The following MYO5B variants were observed in gnomAD, a reference collection of about 807,000 sequenced individuals.
MYO5B encodes the protein myosin VB.
A neutral mutation model predicts 229.3 loss-of-function variants in MYO5B; 143 were observed. The ratio of observed to expected loss-of-function variants is 0.62; its 90% CI spans 0.54 to 0.72. The LOEUF is 0.72. Ranked by LOEUF, MYO5B falls within the 30% of genes least tolerant of loss-of-function variation. The pLI is 0.00. For missense variants in MYO5B, 2,321 were observed against 2,331.0 expected, an observed-to-expected ratio of 1.00 and a Z score of 0.09; for synonymous variants, 918 against 885.2, an observed-to-expected ratio of 1.04 and a Z score of -0.66.
intron 21 of MYO5B, among the ~76,000 whole-genome samples, chr18:49,898,249 A>C (rs1235753694): frequency 1.3e-5 from 2 of 152,232 alleles, no homozygotes; most frequent in African/African-American, 4.8e-5. Flanking sequence ...TATATGCATG[A>C]TTACATATAA....
intron 4 of MYO5B, among the ~76,000 whole-genome samples, chr18:50,025,855 T>A (rs1456293792): frequency 6.6e-6 from 1 of 152,198 alleles, no homozygotes; most frequent in East Asian, 1.9e-4. Flanking sequence ...TTTAGACACT[T>A]CCCTAGACAT....
At chr18:49,887,690 T>C (rs1568018363) in intron 22 of MYO5B, among the ~76,000 whole-genome samples, 1 of 152,142 alleles carries the variant, frequency 6.6e-6, no homozygotes, top group Non-Finnish European at 1.5e-5. Flanking sequence ...GGTGTTTCTT[T>C]TGTTTTTTGA....
At chr18:49,890,232 C>T (rs949493669) in intron 22 of MYO5B, among the ~76,000 whole-genome samples, 3 of 152,230 alleles carry the variant, frequency 2.0e-5, no homozygotes, top group African/African-American at 7.2e-5. Context: ...GCCAAATGGC[C>T]CCCACTTTGT....
At chr18:49,987,493 C>T (rs2025883574) in intron 7 of MYO5B, among the ~76,000 whole-genome samples, 1 of 152,144 alleles carries the variant, frequency 6.6e-6, no homozygotes, top group Non-Finnish European at 1.5e-5. Flanking sequence ...TTAGGTCTCT[C>T]TCTTTACAAA....
chr18:49,900,971 T>C (rs2024835065), intron 21 of MYO5B, among the ~76,000 whole-genome samples: 1 of 152,212 alleles, frequency 6.6e-6, no homozygotes, highest in South Asian at 2.1e-4. Context: ...CCCAGCACTT[T>C]CTATTTATGT....
At chr18:49,836,929 T>C (rs1222585663) in intron 37 of MYO5B, 44 bp from the exon 38 acceptor site, 26 of 1,592,090 alleles carry the variant, frequency 1.6e-5, no homozygotes, top group Non-Finnish European at 2.2e-5. Context: ...CCGGTCCTCC[T>C]AATTCACTGA....
chr18:50,172,625 C>T (rs1377456858), intron 1 of MYO5B, among the ~76,000 whole-genome samples: 4 of 152,228 alleles, frequency 2.6e-5, no homozygotes, highest in Non-Finnish European at 5.9e-5. Flanking sequence ...GGTGATGTCA[C>T]TCATTTATTT....
intron 29 of MYO5B, among the ~76,000 whole-genome samples, chr18:49,858,891 A>G (rs1356672835): frequency 1.3e-5 from 2 of 152,158 alleles, no homozygotes; most frequent in African/African-American, 2.4e-5. Context: ...CACTTAGGCC[A>G]TTATGGGCCA....
chr18:49,849,554 C>A lies in MYO5B; in HGVS notation c.4315+13G>T. 2 of 1,591,870 alleles carry A rather than the reference C, an allele frequency of 1.3e-6. No individual in the cohort carries two copies. Among genetic ancestry groups the A allele is most frequent in the Non-Finnish European group, 1.7e-6 (2 of 1,161,140 alleles). On this transcript the variant is annotated intron_variant, in intron 32 of 39. Coordinates refer to ENST00000285039, the MANE Select transcript of MYO5B (RefSeq NM_001080467.3). ...CTGTGATTCACAAAACACACTCACT[C>A]ACACCCCCCTACCTTCTAGGTCCTG...
chr18:49,859,788 G>A (rs1363644713), intron 29 of MYO5B, among the ~76,000 whole-genome samples: 2 of 152,202 alleles, frequency 1.3e-5, no homozygotes, highest in African/African-American at 4.8e-5. Flanking sequence ...ACTGGTTAAA[G>A]CTGGGCCCTC....
At chr18:50,156,545 G>A (rs1665626346) in intron 1 of MYO5B, among the ~76,000 whole-genome samples, 1 of 152,090 alleles carries the variant, frequency 6.6e-6, no homozygotes, top group Non-Finnish European at 1.5e-5. Context: ...TAAATTTCCT[G>A]AGGCCTCCCC....
chr18:49,841,468 A>T lies in MYO5B; in HGVS notation c.4612-14T>A, dbSNP rs764194930. On this transcript the variant is annotated splice_polypyrimidine_tract_variant and intron_variant, in intron 34 of 39. Transcript: ENST00000285039. ...ATCATTGTGCTTCTGTGAAAAGAAA[A>T]GGACATCCTCAGCTCTAAGTGGCTC... 1 of 1,611,948 alleles carries T rather than the reference A, an allele frequency of 6.2e-7. No homozygotes were observed. Among genetic ancestry groups the T allele is most frequent in the Non-Finnish European group, 8.5e-7 (1 of 1,178,018 alleles).
At chr18:50,024,895 A>C (rs1406311065) in intron 4 of MYO5B, among the ~76,000 whole-genome samples, 1 of 152,204 alleles carries the variant, frequency 6.6e-6, no homozygotes, top group Non-Finnish European at 1.5e-5. Context: ...AGTTCCTTTA[A>C]GTCAAAACAC....
At chr18:50,128,545 G>A (rs950569728) in intron 1 of MYO5B, among the ~76,000 whole-genome samples, 2 of 152,226 alleles carry the variant, frequency 1.3e-5, no homozygotes, top group African/African-American at 4.8e-5. Flanking sequence ...CATGTGGGGT[G>A]CGATAGCAGC....
In MYO5B at chr18:49,980,554, C is replaced by T. The variant is rs1474903199; in HGVS notation, c.947-1G>A. 2 of 1,599,582 alleles carry T rather than the reference C, an allele frequency of 1.3e-6. No homozygotes were observed. Among genetic ancestry groups the T allele is most frequent in the Non-Finnish European group, 1.7e-6 (2 of 1,166,810 alleles). On this transcript the variant is annotated splice_acceptor_variant, in intron 8 of 39. Coordinates refer to ENST00000285039, the MANE Select transcript of MYO5B (RefSeq NM_001080467.3). LOFTEE classifies it high-confidence loss of function. ...CTCATCTGATGGGACTCTTTCACTC[C>T]TGGAAAAGAAAAATGAATGGATGAC...
At chr18:50,071,596 C>G (rs556548995) in intron 1 of MYO5B, among the ~76,000 whole-genome samples, 1 of 152,200 alleles carries the variant, frequency 6.6e-6, no homozygotes, top group Non-Finnish European at 1.5e-5. Context: ...CATCTGGGCA[C>G]AAGGAAGAGC....
chr18:49,916,397 G>T (rs1217616), intron 17 of MYO5B, among the ~76,000 whole-genome samples: 145,037 of 152,200 alleles, frequency 0.95, 69,192 homozygotes, highest in East Asian at 1. Flanking sequence ...CCTGGATGCC[G>T]CCCCTCCGCT....
chr18:50,039,162 C>T (rs1284391732), intron 3 of MYO5B, among the ~76,000 whole-genome samples: 8 of 152,154 alleles, frequency 5.3e-5, no homozygotes. Context: ...GGAGCGACTC[C>T]CACAAAGGAG....
At chr18:49,926,710 T>C (rs1568033493) in intron 17 of MYO5B, among the ~76,000 whole-genome samples, 3 of 152,238 alleles carry the variant, frequency 2.0e-5, no homozygotes, top group South Asian at 2.1e-4. Flanking sequence ...TGATAGTTAT[T>C]TTTTAACTCA....
Sources: allele counts gnomAD v4.1 joint callset (sites outside exome capture counted in the v4.1 genomes callset), GRCh38; gene constraint gnomAD v4.1.1; transcripts MANE v1.5; gene names NCBI Gene and HGNC (gene_info 2026-07-23, HGNC 2026-07-21).